The following CC2D2A variants were observed in gnomAD, a reference collection of about 807,000 sequenced individuals.
CC2D2A encodes coiled-coil and C2 domain containing 2A, also known as coiled-coil and C2 domain-containing protein 2A.
A neutral mutation model predicts 212.9 loss-of-function variants in CC2D2A; 155 were observed. That is an observed-to-expected ratio of 0.73 (90% confidence interval 0.64 to 0.83). The LOEUF is 0.83. Ranked by LOEUF, CC2D2A falls within the 40% of genes least tolerant of loss-of-function variation. The pLI is 0.00. For synonymous variants in CC2D2A, 667 were observed against 686.5 expected, an observed-to-expected ratio of 0.97 and a Z score of 0.44; for missense variants, 1,856 against 1,956.2, an observed-to-expected ratio of 0.95 and a Z score of 0.97.
chr4:15,588,598 C>A (rs533684501), intron 32 of CC2D2A, among the ~76,000 whole-genome samples: 2 of 152,312 alleles, frequency 1.3e-5, no homozygotes, highest in South Asian at 4.1e-4. Context: ...AATTCGATAG[C>A]ATGAGTTGCT....
chr4:15,525,798 A>G (rs957142790), intron 11 of CC2D2A, among the ~76,000 whole-genome samples: 1 of 152,190 alleles, frequency 6.6e-6, no homozygotes, highest in East Asian at 1.9e-4. Context: ...ATAGTATGGG[A>G]GTTGTGGTCT....
chr4:15,510,183 A>G lies in CC2D2A; in HGVS notation c.483A>G (p.Gln161=), dbSNP rs1716489206. ...GGACTCAACAAGAAGTTGACTCCCA[A>G]AGTTACTCAAGAGTCAAGTTCCATG... ...VERTQQEVDS[Q]SYSRVKFHDS... Residue 161 remains glutamine (Q), a synonymous_variant, in exon 7 of 37, where the codon CAA becomes CAG. Transcript: ENST00000424120. The G allele has an allele frequency of 1.9e-6, 3 of 1,613,778 alleles. No homozygotes were observed. The East Asian group carries it at 6.7e-5, about 36-fold the overall frequency.
Position 15,537,920 on chromosome 4 carries a change from A to G in CC2D2A, c.1786A>G (p.Lys596Glu). Residue 596 changes from lysine to glutamate, a missense_variant, in exon 16 of 37, where the codon AAA becomes GAA. Lys to Glu is a moderately conservative substitution (Grantham distance 56). Transcript: ENST00000424120. ...ACAGAGGGCCAAGAAGAAGAAAAGG[A>G]AACAAGCAGCAGAAGAACATCCCGG... Reference protein sequence around the residue: ...KVQRAKKKKRKQAAEEHPGDE... With the variant: ...KVQRAKKKKREQAAEEHPGDE... The G allele has an allele frequency of 6.2e-7, 1 of 1,604,884 alleles. No individual in the cohort carries two copies. The highest frequency in any genetic ancestry group is 8.5e-7 in the Non-Finnish European group (1 of 1,175,650).
In CC2D2A at chr4:15,600,380, G is replaced by C. The variant is rs113058005; in HGVS notation, c.4674+674G>C. On this transcript the variant is annotated intron_variant, in intron 36 of 36. Transcript: ENST00000424120. ...GCTATCAGGGCTGTCCCACTCTTTTGCAAGTCCTCCCATTCTGCCCTCCTC... is the reference window on the plus strand; with the variant it reads ...GCTATCAGGGCTGTCCCACTCTTTTCCAAGTCCTCCCATTCTGCCCTCCTC... Among the ~76,000 whole-genome samples, 6 of 152,304 alleles carry C rather than the reference G, an allele frequency of 3.9e-5. No individual in the cohort carries two copies. The East Asian group carries it at 1.2e-3, about 29-fold the overall frequency.
chr4:15,585,710 T>A (rs1335027106), intron 30 of CC2D2A, among the ~76,000 whole-genome samples: 1 of 152,218 alleles, frequency 6.6e-6, no homozygotes, highest in Non-Finnish European at 1.5e-5. Context: ...TTCAACATTA[T>A]ACAATGTGTA....
intron 4 of CC2D2A, chr4:15,492,711 G>C: frequency 1.3e-6 from 1 of 783,148 alleles, no homozygotes; most frequent in South Asian, 1.4e-5. Context: ...TGGGTCTGGT[G>C]GTCCAGGGGT....
chr4:15,538,047 C>A lies in CC2D2A; in HGVS notation c.1913C>A (p.Ala638Glu), dbSNP rs746081774. 1 of 1,607,380 alleles carries A rather than the reference C, an allele frequency of 6.2e-7. No individual in the cohort carries two copies. The highest frequency in any genetic ancestry group is 1.1e-5 in the South Asian group (1 of 89,320). The change falls in exon 16 of 37, where the codon GCA (alanine) becomes GAA (glutamate). Residue 638 changes from alanine (A) to glutamate (E), a missense_variant. By Grantham distance (107) the Ala-to-Glu change is moderately radical. Coordinates refer to ENST00000424120, the MANE Select transcript of CC2D2A (RefSeq NM_001378615.1). ...ATAGAGCAGGAGGTGAGGGAGAGAG[C>A]AGCCCAGAGCAGGAGGAGGCCTTGG... Reference protein sequence around the residue: ...AVIEQEVRERAAQSRRRPWEP... With the variant: ...AVIEQEVREREAQSRRRPWEP...
At position 15,514,801 on chromosome 4, in the gene CC2D2A, A is replaced by T; in HGVS notation, c.812A>T (p.Asp271Val). Residue 271 changes from aspartate to valine, a missense_variant, in exon 9 of 37, where the codon GAT (aspartate) becomes GTT (valine). By Grantham distance (152) the Asp-to-Val change is radical. Coordinates refer to ENST00000424120, the MANE Select transcript of CC2D2A (RefSeq NM_001378615.1). ...ADDFVAVRPA[D>V]YESIHDRLQM... ...GATTTTGTAGCAGTCAGACCTGCAG[A>T]TTATGAAAGCATCCATGATCGGCTG... 6.2e-7 allele frequency: 1 copy of T among 1,613,982 alleles called. No homozygotes were observed. Among genetic ancestry groups the T allele is most frequent in the Non-Finnish European group, 8.5e-7 (1 of 1,179,836 alleles).
At chr4:15,560,661 A>C in intron 23 of CC2D2A, 39 bp downstream of exon 23, 1 of 877,776 alleles carries the variant, frequency 1.1e-6, no homozygotes, top group Non-Finnish European at 1.8e-6. Context: ...ATTCTTATAA[A>C]AATTATTATT....
At chr4:15,488,822 G>A (rs1715147997) in intron 4 of CC2D2A, among the ~76,000 whole-genome samples, 1 of 152,232 alleles carries the variant, frequency 6.6e-6, no homozygotes, top group South Asian at 2.1e-4. Context: ...CACATGCCCG[G>A]AGGTGCCACC....
intron 6 of CC2D2A, among the ~76,000 whole-genome samples, chr4:15,507,649 A>G (rs1716339322): frequency 6.6e-6 from 1 of 152,248 alleles, no homozygotes; most frequent in African/African-American, 2.4e-5. Context: ...ATTAGTGTGC[A>G]AGGAGTAAAG....
intron 4 of CC2D2A, among the ~76,000 whole-genome samples, chr4:15,483,610 ACTC>A (rs1456776142): frequency 3.3e-5 from 5 of 151,874 alleles, no homozygotes; most frequent in Non-Finnish European, 7.4e-5. Context: ...TTTCTTTAAA[ACTC>A]CTCTTTATCT....
chr4:15,517,190 G>A (rs548096793), intron 11 of CC2D2A, among the ~76,000 whole-genome samples: 13 of 151,696 alleles, frequency 8.6e-5, no homozygotes, highest in Admixed American at 2.6e-4. Flanking sequence ...CTCGTGATCC[G>A]CCCACCTCAG....
intron 22 of CC2D2A, 115 bp from the exon 23 acceptor site, chr4:15,560,416 G>T: frequency 3.4e-6 from 2 of 583,622 alleles, no homozygotes; most frequent in Non-Finnish European, 6.2e-6. Flanking sequence ...AGTAACAGTT[G>T]GGCTGGAGGA....
intron 24 of CC2D2A, 78 bp downstream of exon 24, chr4:15,563,600 C>G (rs1719724978): frequency 1.0e-5 from 15 of 1,450,932 alleles, no homozygotes; most frequent in South Asian, 6.1e-5. Context: ...AGCATACTCA[C>G]TCTCATTCTT....
chr4:15,502,364 A>C, intron 4 of CC2D2A, 65 bp from the exon 5 acceptor site: 3 of 1,227,238 alleles, frequency 2.4e-6, no homozygotes, highest in Non-Finnish European at 3.4e-6. Flanking sequence ...TTTTAAAGTA[A>C]TTTTCCTTTT....
chr4:15,543,119 G>A (rs1247320157), intron 17 of CC2D2A, among the ~76,000 whole-genome samples: 2 of 152,136 alleles, frequency 1.3e-5, no homozygotes, highest in South Asian at 2.1e-4. Context: ...TGGGGGGTGG[G>A]TGAGGGCAGG....
chr4:15,542,776 G>A (rs1426334934), intron 17 of CC2D2A, among the ~76,000 whole-genome samples: 1 of 152,190 alleles, frequency 6.6e-6, no homozygotes, highest in African/African-American at 2.4e-5. Flanking sequence ...AGCGCCTCCA[G>A]GGTCCTGTTC....
Position 15,538,014 on chromosome 4 carries a change from G to C in CC2D2A, c.1880G>C (p.Arg627Pro). 1.9e-6 allele frequency: 3 copies of C among 1,609,010 alleles called. No individual in the cohort carries two copies. The highest frequency in any genetic ancestry group is 2.5e-6 in the Non-Finnish European group (3 of 1,177,828). Residue 627 changes from arginine to proline, a missense_variant, in exon 16 of 37, where the codon CGG becomes CCG. Around this residue, in one of 5 missense-constraint regions of CC2D2A, gnomAD observed 1,512 missense variants for 1,579.3 expected, o/e 0.96. Transcript: ENST00000424120. ...VKPSPPEPTD[R>P]AVIEQEVRER... is the part of the protein sequence containing the mutation. ...CCCAGCCCTCCAGAGCCCACTGATC[G>C]GGCAGTGATAGAGCAGGAGGTGAGG... is the stretch of plus-strand genomic sequence containing the variant.
Sources: gnomAD v4.1 joint callset for allele counts (sites outside exome capture counted in the v4.1 genomes callset) on GRCh38, gnomAD v4.1.1 for gene constraint, gnomAD v4.1.1 regional missense constraint, MANE v1.5 for transcripts, NCBI Gene and HGNC (gene_info 2026-07-23, HGNC 2026-07-21) for gene names.